The following GAP43 variants were observed in gnomAD, a reference collection of about 807,000 sequenced individuals.
GAP43 encodes the protein neuromodulin.
GAP43 carries 6 observed loss-of-function variants against 18.6 expected under a neutral mutation model. The observed-to-expected ratio is 0.32, with a 90% confidence interval of 0.18 to 0.64. GAP43 has a LOEUF of 0.64. Among genes scored for constraint, GAP43 ranks in the 30% least tolerant of loss-of-function variants. GAP43 has a pLI of 0.78. For missense variants in GAP43, 292 were observed against 295.5 expected, an observed-to-expected ratio of 0.99 and a Z score of 0.09; for synonymous variants, 115 against 111.4, an observed-to-expected ratio of 1.03 and a Z score of -0.20.
At chr3:115,710,719 C>T (rs1413043450) in intron 2 of GAP43, among the ~76,000 whole-genome samples, 1 of 152,094 alleles carries the variant, frequency 6.6e-6, no homozygotes, top group Non-Finnish European at 1.5e-5. Context: ...TTTAATGTCC[C>T]TTCACAGTGA....
intron 1 of GAP43, among the ~76,000 whole-genome samples, chr3:115,656,251 G>A (rs1271473166): frequency 6.6e-6 from 1 of 152,204 alleles, no homozygotes; most frequent in African/African-American, 2.4e-5. Context: ...GTGTGGGATA[G>A]CGGCTGCTGG....
chr3:115,641,539 C>CACACACACAG (rs1553720344), intron 1 of GAP43, among the ~76,000 whole-genome samples: 5 of 114,282 alleles, frequency 4.4e-5, no homozygotes, highest in Admixed American at 9.7e-5. Context: ...CACACACACA[C>CACACACACAG]ACACGGTGCT....
At chr3:115,641,935 C>T (rs1444744545) in intron 1 of GAP43, among the ~76,000 whole-genome samples, 1 of 152,066 alleles carries the variant, frequency 6.6e-6, no homozygotes, top group Non-Finnish European at 1.5e-5. Flanking sequence ...TCCCTCCTGT[C>T]TCCTCTGAAA....
chr3:115,695,813 A>G (rs1048114315), intron 2 of GAP43, among the ~76,000 whole-genome samples: 3 of 152,190 alleles, frequency 2.0e-5, no homozygotes, highest in Non-Finnish European at 4.4e-5. Context: ...CCAATGGCCA[A>G]TTCTAAGGCC....
chr3:115,717,491 T>A (rs1372920791), intron 2 of GAP43, among the ~76,000 whole-genome samples: 1 of 151,990 alleles, frequency 6.6e-6, no homozygotes, highest in African/African-American at 2.4e-5. Flanking sequence ...ATATTTTTAG[T>A]AGCGACGGGG....
Position 115,663,987 on chromosome 3 carries a change from G to A in GAP43, c.31-12026G>A, listed in dbSNP as rs888752905. ...ACCCTGACTCTGCCACTTACTAGCTGTATGACTTTGAGCAAATTACTTAAT... is the reference window on the plus strand; with the variant it reads ...ACCCTGACTCTGCCACTTACTAGCTATATGACTTTGAGCAAATTACTTAAT... On this transcript the variant is annotated intron_variant, in intron 1 of 2. Transcript: ENST00000305124. The A allele has an allele frequency of 1.6e-5, 23 of 1,438,424 alleles. No individual in the cohort carries two copies. In the African/African-American group the frequency reaches 1.7e-4, roughly 11 times the overall value. 89.1% of individuals were successfully genotyped at this position (1,438,424 alleles called of 1,614,324 possible). A position where few individuals can be genotyped will look rare whatever the true frequency, so the allele number is the denominator to read the frequency against.
At chr3:115,633,106 T>C (rs1214613550) in intron 1 of GAP43, among the ~76,000 whole-genome samples, 1 of 152,094 alleles carries the variant, frequency 6.6e-6, no homozygotes, top group African/African-American at 2.4e-5. Context: ...ATAACAGGAA[T>C]TCATAAACTC....
At chr3:115,671,563 T>C (rs1333803542) in intron 1 of GAP43, among the ~76,000 whole-genome samples, 1 of 152,190 alleles carries the variant, frequency 6.6e-6, no homozygotes, top group African/African-American at 2.4e-5. Flanking sequence ...ACAATAAAGA[T>C]TCCTGAAAAA....
At chr3:115,683,932 A>G in intron 2 of GAP43, among the ~76,000 whole-genome samples, 1 of 152,218 alleles carries the variant, frequency 6.6e-6, no homozygotes, top group Non-Finnish European at 1.5e-5. Context: ...CGTCCCGAGA[A>G]AAGGTGGTAT....
chr3:115,651,906 CTCT>C (rs1330179572), intron 1 of GAP43, among the ~76,000 whole-genome samples: 6 of 152,192 alleles, frequency 3.9e-5, no homozygotes, highest in Non-Finnish European at 8.8e-5. Context: ...TACTCTCCTC[CTCT>C]AAGCTGGTTT....
At chr3:115,688,916 G>C (rs891814173) in intron 2 of GAP43, among the ~76,000 whole-genome samples, 1 of 152,158 alleles carries the variant, frequency 6.6e-6, no homozygotes, top group African/African-American at 2.4e-5. Flanking sequence ...CCGCAGCCTA[G>C]GAGGCCTCAT....
At chr3:115,662,514 A>T (rs533126036) in intron 1 of GAP43, among the ~76,000 whole-genome samples, 2 of 152,154 alleles carry the variant, frequency 1.3e-5, no homozygotes, top group African/African-American at 2.4e-5. Context: ...CCACAGAGAG[A>T]GTTGGCTACT....
chr3:115,688,234 G>A (rs745902654), intron 2 of GAP43, among the ~76,000 whole-genome samples: 3 of 152,022 alleles, frequency 2.0e-5, no homozygotes, highest in Non-Finnish European at 2.9e-5. Context: ...GTTTCACCAG[G>A]TCTCAAGCTC....
chr3:115,625,628 C>G (rs752059406), intron 1 of GAP43, among the ~76,000 whole-genome samples: 4 of 152,168 alleles, frequency 2.6e-5, no homozygotes, highest in Non-Finnish European at 4.4e-5. Context: ...ATACATACAT[C>G]TCCTTTAATA....
At chr3:115,675,758 CAAAAAAAAA>C (rs67744380) in intron 1 of GAP43, among the ~76,000 whole-genome samples, 14 of 50,526 alleles carry the variant, frequency 2.8e-4, no homozygotes, top group Admixed American at 1.0e-3. Flanking sequence ...GACTCTATCT[CAAAAAAAAA>C]AAAAAAAAAA....
At chr3:115,685,512 T>TA (rs1709020978) in intron 2 of GAP43, among the ~76,000 whole-genome samples, 1 of 152,352 alleles carries the variant, frequency 6.6e-6, no homozygotes, top group Non-Finnish European at 1.5e-5. Flanking sequence ...CACAGACCAG[T>TA]AAACAGGCTT....
chr3:115,688,647 T>C (rs1480175555), intron 2 of GAP43, among the ~76,000 whole-genome samples: 1 of 152,188 alleles, frequency 6.6e-6, no homozygotes, highest in African/African-American at 2.4e-5. Context: ...GCCTGGGCAA[T>C]GGGGCCAATT....
At chr3:115,624,471 G>C (rs927047211) in intron 1 of GAP43, among the ~76,000 whole-genome samples, 1 of 152,038 alleles carries the variant, frequency 6.6e-6, no homozygotes, top group African/African-American at 2.4e-5. Context: ...AGACAGCCGG[G>C]TATTACCTGT....
At chr3:115,661,399 A>G (rs1003241610) in intron 1 of GAP43, 10 of 152,266 alleles carry the variant, frequency 6.6e-5, no homozygotes, top group African/African-American at 2.2e-4. Flanking sequence ...AGGCAGGCAA[A>G]CTTCAGTGTC....
Sources: allele counts gnomAD v4.1 joint callset (sites outside exome capture counted in the v4.1 genomes callset), GRCh38; gene constraint gnomAD v4.1.1; transcripts MANE v1.5; gene names NCBI Gene and HGNC (gene_info 2026-07-23, HGNC 2026-07-21).